The following EGFLAM variants were observed in gnomAD, a reference collection of about 807,000 sequenced individuals.
EGFLAM encodes the protein EGF like, fibronectin type III and laminin G domains.
In EGFLAM, 79 loss-of-function variants were observed where a neutral mutation model predicts 113.1. That is an observed-to-expected ratio of 0.70 (90% CI 0.58 to 0.84). EGFLAM has a LOEUF of 0.84. Among genes scored for constraint, EGFLAM ranks in the 40% least tolerant of loss-of-function variants. EGFLAM has a pLI of 0.00. For synonymous variants in EGFLAM, 504 were observed against 487.6 expected (o/e 1.03, Z -0.44); for missense variants, 1,265 against 1,291.6 (o/e 0.98, Z 0.32).
At chr5:38,338,537 C>G (rs1561284069) in intron 2 of EGFLAM, among the ~76,000 whole-genome samples, 161 bp from the exon 3 acceptor site, 1 of 152,192 alleles carries the variant, frequency 6.6e-6, no homozygotes, top group South Asian at 2.1e-4. Flanking sequence ...CAACACCCCC[C>G]ACCCAACCCA....
In EGFLAM at chr5:38,462,891, GT is replaced by G; in HGVS notation, c.2772-13del. 6.2e-7 allele frequency: 1 copy of G among 1,613,102 alleles called. No homozygotes were observed. The highest frequency in any genetic ancestry group is 8.5e-7 in the Non-Finnish European group (1 of 1,179,602). On this transcript the variant is annotated splice_polypyrimidine_tract_variant and intron_variant, in intron 20 of 21. Transcript: ENST00000322350. ...AATGCCAGGCTTTTTGTTCTTTTTT[GT>G]TTTGGTGTTTTGCAGGGATGGCCAG...
At chr5:38,283,840 G>A (rs961490281) in intron 1 of EGFLAM, 1 of 152,198 alleles carries the variant, frequency 6.6e-6, no homozygotes, top group African/African-American at 2.4e-5. Flanking sequence ...CCTCAGCCCA[G>A]GTTTGTAAGA....
intron 17 of EGFLAM, among the ~76,000 whole-genome samples, chr5:38,445,240 C>T (rs1000311482): frequency 5.9e-5 from 9 of 151,990 alleles, no homozygotes; most frequent in Admixed American, 5.9e-4. Context: ...AGCTAGCTGG[C>T]TTATCATTCC....
At chr5:38,403,815 C>T in intron 6 of EGFLAM, 1 of 1,613,338 alleles carries the variant, frequency 6.2e-7, no homozygotes, top group African/African-American at 1.3e-5. Context: ...AGGAGCTGTC[C>T]TCAAGGGCCT....
chr5:38,396,243 A>G (rs1390050394), intron 6 of EGFLAM, among the ~76,000 whole-genome samples: 1 of 147,732 alleles, frequency 6.8e-6, no homozygotes, highest in East Asian at 1.9e-4. Flanking sequence ...GTACTGCCAG[A>G]TTATCCCACA....
chr5:38,437,230 C>G (rs998168501), intron 16 of EGFLAM, among the ~76,000 whole-genome samples: 1 of 152,132 alleles, frequency 6.6e-6, no homozygotes, highest in Non-Finnish European at 1.5e-5. Flanking sequence ...GTAAAGAATG[C>G]GACCTGTGTT....
chr5:38,450,314 C>A (rs1306904926), intron 18 of EGFLAM, among the ~76,000 whole-genome samples: 6 of 152,174 alleles, frequency 3.9e-5, no homozygotes, highest in African/African-American at 1.4e-4. Flanking sequence ...GGGGGCCTCG[C>A]TCTTCCCTCA....
chr5:38,349,771 ACG>A (rs767521286), intron 3 of EGFLAM, among the ~76,000 whole-genome samples: 241 of 114,288 alleles, frequency 2.1e-3, no homozygotes, highest in Non-Finnish European at 3.0e-3. Context: ...GGAAGTACAC[ACG>A]CACACACACA....
intron 2 of EGFLAM, among the ~76,000 whole-genome samples, chr5:38,338,034 A>T (rs1438184957): frequency 1.3e-5 from 2 of 152,220 alleles, no homozygotes; most frequent in Non-Finnish European, 2.9e-5. Context: ...AGCACCAGAG[A>T]ATGCATTCTT....
intron 1 of EGFLAM, among the ~76,000 whole-genome samples, chr5:38,270,171 C>T (rs1199060930): frequency 6.6e-6 from 1 of 152,190 alleles, no homozygotes; most frequent in Non-Finnish European, 1.5e-5. Flanking sequence ...GCTTATTTTA[C>T]AAAATACTGG....
At chr5:38,313,906 T>A (rs1738522047) in intron 1 of EGFLAM, among the ~76,000 whole-genome samples, 1 of 152,240 alleles carries the variant, frequency 6.6e-6, no homozygotes, top group Admixed American at 6.5e-5. Context: ...TTAAACGATA[T>A]TAATCTTTGT....
chr5:38,344,639 A>G (rs1196106195), intron 3 of EGFLAM, among the ~76,000 whole-genome samples: 3 of 152,178 alleles, frequency 2.0e-5, no homozygotes, highest in African/African-American at 4.8e-5. Context: ...ATGTGCATTT[A>G]CATTCCTCCC....
intron 17 of EGFLAM, among the ~76,000 whole-genome samples, chr5:38,444,605 T>C (rs1011616102): frequency 1.3e-5 from 2 of 152,182 alleles, no homozygotes; most frequent in African/African-American, 4.8e-5. Flanking sequence ...TAAATTTTTT[T>C]CAATAAAATA....
At chr5:38,417,358 A>AAC (rs1364585095) in intron 11 of EGFLAM, among the ~76,000 whole-genome samples, 17 of 146,792 alleles carry the variant, frequency 1.2e-4, no homozygotes, top group Admixed American at 1.1e-3. Flanking sequence ...AAAAAAAAAA[A>AAC]AAAAAAAAAA....
chr5:38,370,099 C>G (rs1339278942), intron 5 of EGFLAM, among the ~76,000 whole-genome samples, 197 bp from the exon 6 acceptor site: 1 of 152,186 alleles, frequency 6.6e-6, no homozygotes, highest in Non-Finnish European at 1.5e-5. Context: ...AAATAATCTA[C>G]TTGTTTTTAT....
At chr5:38,362,123 C>T (rs1157762504) in intron 5 of EGFLAM, among the ~76,000 whole-genome samples, 1 of 152,054 alleles carries the variant, frequency 6.6e-6, no homozygotes, top group Non-Finnish European at 1.5e-5. Flanking sequence ...CATATGCATC[C>T]CCCGACCCCC....
At chr5:38,436,663 C>A (rs183410583) in intron 16 of EGFLAM, among the ~76,000 whole-genome samples, 1 of 152,208 alleles carries the variant, frequency 6.6e-6, no homozygotes, top group African/African-American at 2.4e-5. Context: ...CTCCCCTTCA[C>A]GCAGCACACA....
chr5:38,337,542 C>T lies in EGFLAM; in HGVS notation c.120C>T (p.Asp40=). Residue 40 remains aspartate (D), a synonymous_variant, in exon 2 of 22, where the codon GAC becomes GAT. Transcript: ENST00000322350. The stretch of plus-strand genomic sequence containing the variant: ...CAGGCAAGGTAGGGCCTCCTCTTGA[C>T]ATCAAGCTGGGCGCATTGAACTGTA... ...RKPGKVGPPL[D]IKLGALNCTA... 1.2e-6 allele frequency: 2 copies of T among 1,603,326 alleles called. No individual in the cohort carries two copies. The highest frequency in any genetic ancestry group is 1.7e-6 in the Non-Finnish European group (2 of 1,173,812).
At chr5:38,293,736 T>G (rs1464940002) in intron 1 of EGFLAM, among the ~76,000 whole-genome samples, 1 of 152,202 alleles carries the variant, frequency 6.6e-6, no homozygotes, top group Non-Finnish European at 1.5e-5. Context: ...TTATGATTAT[T>G]CATATAGCGT....
Sources: allele counts gnomAD v4.1 joint callset (sites outside exome capture counted in the v4.1 genomes callset), GRCh38; gene constraint gnomAD v4.1.1; transcripts MANE v1.5; gene names NCBI Gene and HGNC (gene_info 2026-07-23, HGNC 2026-07-21).